NUBPL: variants seen among roughly 807,000 people sequenced by gnomAD.
NUBPL encodes iron-sulfur cluster transfer protein NUBPL.
In NUBPL, 31 loss-of-function variants were observed where a neutral mutation model predicts 45.7. The observed-to-expected ratio is 0.68, with a 90% CI of 0.51 to 0.92. The LOEUF (loss-of-function observed/expected upper bound fraction) is 0.92. Ranked by LOEUF, NUBPL falls within the 40% of genes least tolerant of loss-of-function variation. The probability of loss-of-function intolerance (pLI) is 0.00; values close to 1 mark genes in which losing one functional copy is unlikely to be tolerated. For missense variants in NUBPL, 401 were observed against 398.7 expected, an observed-to-expected ratio of 1.01 and a Z score of -0.05; for synonymous variants, 144 against 140.9, an observed-to-expected ratio of 1.02 and a Z score of -0.15.
intron 6 of NUBPL, among the ~76,000 whole-genome samples, chr14:31,722,592 C>T (rs996437071): frequency 1.3e-5 from 2 of 152,288 alleles, no homozygotes; most frequent in Non-Finnish European, 2.9e-5. Flanking sequence ...TCCGCTACTT[C>T]GCCAGTATCT....
intron 6 of NUBPL, among the ~76,000 whole-genome samples, chr14:31,755,711 C>G (rs2038645098): frequency 6.6e-6 from 1 of 152,052 alleles, no homozygotes; most frequent in South Asian, 2.1e-4. Flanking sequence ...AATTAGATCC[C>G]ATTTGTCAAT....
intron 7 of NUBPL, among the ~76,000 whole-genome samples, chr14:31,798,903 T>C (rs1369181609): frequency 6.6e-6 from 1 of 152,020 alleles, no homozygotes; most frequent in African/African-American, 2.4e-5. Flanking sequence ...GAAAACTTGC[T>C]TAACTCCACA....
chr14:31,791,467 T>TA (rs1191468788), intron 7 of NUBPL, among the ~76,000 whole-genome samples: 47 of 152,294 alleles, frequency 3.1e-4, no homozygotes, highest in Non-Finnish European at 4.4e-4. Context: ...TCAAAGTTTT[T>TA]ATGAGAATTT....
intron 4 of NUBPL, among the ~76,000 whole-genome samples, chr14:31,600,645 G>T (rs56304358): frequency 6.6e-6 from 1 of 152,112 alleles, no homozygotes; most frequent in Admixed American, 6.5e-5. Flanking sequence ...GATAGATTCC[G>T]GATATTAGCC....
intron 6 of NUBPL, among the ~76,000 whole-genome samples, chr14:31,692,779 C>T (rs1468757471): frequency 1.3e-5 from 2 of 152,170 alleles, no homozygotes; most frequent in East Asian, 3.9e-4. Context: ...CTAAGCTCTG[C>T]TTAATCCTGT....
intron 8 of NUBPL, among the ~76,000 whole-genome samples, chr14:31,839,882 C>G (rs1429468890): frequency 6.6e-6 from 1 of 152,040 alleles, no homozygotes; most frequent in Non-Finnish European, 1.5e-5. Context: ...AAATCAAAAC[C>G]ACAATGAGAT....
intron 4 of NUBPL, among the ~76,000 whole-genome samples, chr14:31,668,728 G>A (rs999761508): frequency 1.1e-4 from 17 of 152,196 alleles, no homozygotes; most frequent in African/African-American, 3.4e-4. Flanking sequence ...TGCAAAAACC[G>A]TAGGAAAAGC....
At chr14:31,671,864 C>T (rs1337956865) in intron 4 of NUBPL, among the ~76,000 whole-genome samples, 1 of 79,016 alleles carries the variant, frequency 1.3e-5, no homozygotes, top group Non-Finnish European at 2.5e-5. Flanking sequence ...AGTTTTCAGT[C>T]TCAGTCTCTT....
intron 7 of NUBPL, among the ~76,000 whole-genome samples, chr14:31,795,426 T>A (rs1183152336): frequency 5.6e-5 from 4 of 71,900 alleles, no homozygotes; most frequent in Admixed American, 4.8e-4. Flanking sequence ...GGTTTGTAGT[T>A]CTCCTTGAAG....
chr14:31,592,940 CT>C (rs1379589214), intron 3 of NUBPL, among the ~76,000 whole-genome samples: 2 of 152,076 alleles, frequency 1.3e-5, no homozygotes, highest in Non-Finnish European at 2.9e-5. Flanking sequence ...GATTTACATT[CT>C]AGTAGAGGAG....
intron 4 of NUBPL, among the ~76,000 whole-genome samples, chr14:31,634,016 C>G (rs184051781): frequency 6.6e-5 from 10 of 152,094 alleles, no homozygotes; most frequent in African/African-American, 2.4e-4. Flanking sequence ...CACTTTTAGT[C>G]ACCCAATATA....
chr14:31,644,482 T>A (rs1047603166), intron 4 of NUBPL, among the ~76,000 whole-genome samples: 3 of 152,182 alleles, frequency 2.0e-5, no homozygotes, highest in Non-Finnish European at 4.4e-5. Flanking sequence ...CTATTAGTAG[T>A]TTCTAGTTTT....
rs1371359024 is a variant in NUBPL at position 31,783,032 on chromosome 14, A to C, written c.514-4748A>C. ...ACCAATTGGGTCAGTTTGCCTGTGC[A>C]CAATGGAAATCCAAACACCAGAGCA... On this transcript the variant is annotated intron_variant, in intron 6 of 10. Coordinates refer to ENST00000281081, the MANE Select transcript of NUBPL (RefSeq NM_025152.3). 2.6e-5 allele frequency among the ~76,000 whole-genome samples: 4 copies of C among 152,302 alleles called. No individual in the cohort carries two copies. The East Asian group carries it at 7.7e-4, about 29-fold the overall frequency.
intron 7 of NUBPL, among the ~76,000 whole-genome samples, chr14:31,815,830 A>T (rs536867065): frequency 6.6e-6 from 1 of 152,134 alleles, no homozygotes; most frequent in Non-Finnish European, 1.5e-5. Context: ...TATGTGATGG[A>T]TTATTTTTAT....
intron 4 of NUBPL, among the ~76,000 whole-genome samples, chr14:31,603,438 C>G (rs2034501834): frequency 6.6e-6 from 1 of 151,034 alleles, no homozygotes; most frequent in Non-Finnish European, 1.5e-5. Flanking sequence ...TGAATAATTT[C>G]TTTTTGTTCT....
intron 4 of NUBPL, among the ~76,000 whole-genome samples, chr14:31,611,037 G>A (rs980911098): frequency 1.9e-4 from 29 of 152,152 alleles, no homozygotes; most frequent in African/African-American, 6.0e-4. Flanking sequence ...GGATGCCCAC[G>A]TTCACCACTG....
At chr14:31,765,567 A>G (rs1323129547) in intron 6 of NUBPL, among the ~76,000 whole-genome samples, 1 of 152,114 alleles carries the variant, frequency 6.6e-6, no homozygotes, top group Non-Finnish European at 1.5e-5. Context: ...CCGAATTTAC[A>G]GATTCAAATC....
At chr14:31,852,345 G>T (rs576574640) in intron 10 of NUBPL, among the ~76,000 whole-genome samples, 27 of 152,278 alleles carry the variant, frequency 1.8e-4, no homozygotes, top group African/African-American at 6.3e-4. Flanking sequence ...CCTTGACGTG[G>T]TATCAAGTAA....
At chr14:31,685,396 T>G (rs911852070) in intron 6 of NUBPL, among the ~76,000 whole-genome samples, 5 of 152,096 alleles carry the variant, frequency 3.3e-5, no homozygotes, top group Admixed American at 6.5e-5. Flanking sequence ...TCTACCTATA[T>G]AGAGAGTATT....
Sources: gnomAD v4.1 joint callset for allele counts (sites outside exome capture counted in the v4.1 genomes callset) on GRCh38, gnomAD v4.1.1 for gene constraint, MANE v1.5 for transcripts, NCBI Gene and HGNC (gene_info 2026-07-23, HGNC 2026-07-21) for gene names.